Variants in PCCA observed in about 807,000 individuals in gnomAD.
PCCA encodes propionyl-CoA carboxylase subunit alpha.
PCCA carries 74 observed loss-of-function variants against 101.3 expected under a neutral mutation model. That is an observed-to-expected ratio of 0.73 (90% confidence interval 0.61 to 0.89). PCCA has a LOEUF of 0.89. Among genes scored for constraint, PCCA ranks in the 40% least tolerant of loss-of-function variants. The pLI is 0.00. For synonymous variants in PCCA, 294 were observed against 313.6 expected (o/e 0.94, Z 0.66); for missense variants, 891 against 907.0 (o/e 0.98, Z 0.23).
intron 21 of PCCA, among the ~76,000 whole-genome samples, chr13:100,480,642 G>C (rs929161887): frequency 6.6e-6 from 1 of 152,086 alleles, no homozygotes; most frequent in Non-Finnish European, 1.5e-5. Context: ...AGTGAAACTA[G>C]ATTAAACCAA....
chr13:100,517,692 G>T (rs1158593080), intron 22 of PCCA, among the ~76,000 whole-genome samples: 2 of 152,112 alleles, frequency 1.3e-5, no homozygotes, highest in Non-Finnish European at 2.9e-5. Flanking sequence ...GCGTATACTT[G>T]CTTTTATTTG....
At chr13:100,455,437 C>T (rs146324326) in intron 21 of PCCA, among the ~76,000 whole-genome samples, 56 of 152,196 alleles carry the variant, frequency 3.7e-4, no homozygotes, top group African/African-American at 6.7e-4. Context: ...TTGTTTTACG[C>T]GTTTTTAAAC....
In PCCA at chr13:100,293,725, A is replaced by T. The variant is rs560257042; in HGVS notation, c.1066-7735A>T. Among the ~76,000 whole-genome samples the T allele has an allele frequency of 3.9e-5, 6 of 152,204 alleles. No individual in the cohort carries two copies. The East Asian group carries it at 1.2e-3, about 29-fold the overall frequency. Reference sequence around the variant, plus strand: ...CTGTTTAGAGTGAGCCAGAATTGGGATGTTTTGGCATGTTTTGTTCTGGGA... The same window carrying T: ...CTGTTTAGAGTGAGCCAGAATTGGGTTGTTTTGGCATGTTTTGTTCTGGGA... On this transcript the variant is annotated intron_variant, in intron 12 of 23. Transcript: ENST00000376285.
At chr13:100,517,010 T>G (rs1488728465) in intron 22 of PCCA, among the ~76,000 whole-genome samples, 1 of 145,012 alleles carries the variant, frequency 6.9e-6, no homozygotes, top group Admixed American at 6.9e-5. Context: ...CAGCCTGAGC[T>G]TTCCACTCCT....
intron 19 of PCCA, among the ~76,000 whole-genome samples, chr13:100,421,542 T>C (rs770117754): frequency 6.6e-6 from 1 of 152,172 alleles, no homozygotes; most frequent in Non-Finnish European, 1.5e-5. Context: ...TTTAAGGAAA[T>C]CTTTGCTGGG....
intron 16 of PCCA, among the ~76,000 whole-genome samples, chr13:100,320,720 G>T (rs558280210): frequency 6.6e-6 from 1 of 152,050 alleles, no homozygotes; most frequent in African/African-American, 2.4e-5. Context: ...TGCTGGATTT[G>T]GTTTGCCAGT....
intron 21 of PCCA, chr13:100,491,436 G>A (rs1449331563): frequency 7.8e-6 from 2 of 257,572 alleles, no homozygotes; most frequent in Non-Finnish European, 1.6e-5. Flanking sequence ...AGAACAGCAA[G>A]AAGCAGACCC....
intron 4 of PCCA, among the ~76,000 whole-genome samples, chr13:100,124,685 A>G (rs907971622): frequency 2.1e-4 from 32 of 152,210 alleles, no homozygotes; most frequent in African/African-American, 7.7e-4. Flanking sequence ...GGTAATGATC[A>G]GGTAAATGGA....
chr13:100,422,062 CTCT>C (rs1212525092), intron 19 of PCCA, among the ~76,000 whole-genome samples: 1 of 56,146 alleles, frequency 1.8e-5, no homozygotes, highest in Non-Finnish European at 3.8e-5. Flanking sequence ...CTTTTCTCTT[CTCT>C]TTTCTTTTCT....
chr13:100,241,388 G>A (rs1478304207), intron 8 of PCCA, among the ~76,000 whole-genome samples: 1 of 152,140 alleles, frequency 6.6e-6, no homozygotes, highest in African/African-American at 2.4e-5. Flanking sequence ...ACAGAATAGT[G>A]TTTTTAAGGT....
At chr13:100,292,552 G>C (rs2065210303) in intron 12 of PCCA, among the ~76,000 whole-genome samples, 1 of 152,180 alleles carries the variant, frequency 6.6e-6, no homozygotes, top group South Asian at 2.1e-4. Flanking sequence ...TTTGCATGCT[G>C]TTTATTATAT....
intron 6 of PCCA, among the ~76,000 whole-genome samples, chr13:100,166,895 C>T (rs2055100508): frequency 1.3e-5 from 2 of 152,200 alleles, no homozygotes; most frequent in African/African-American, 2.4e-5. Flanking sequence ...AGTTGCTCCA[C>T]ATTCTTACCA....
At chr13:100,230,774 A>T (rs1389833987) in intron 7 of PCCA, among the ~76,000 whole-genome samples, 1 of 152,164 alleles carries the variant, frequency 6.6e-6, no homozygotes, top group Non-Finnish European at 1.5e-5. Flanking sequence ...GATTTGAAAT[A>T]CCTAACTTGA....
intron 8 of PCCA, among the ~76,000 whole-genome samples, chr13:100,248,981 T>G (rs1190027870): frequency 2.0e-5 from 3 of 152,114 alleles, no homozygotes; most frequent in Admixed American, 2.0e-4. Flanking sequence ...CTCGAACCCC[T>G]GACCTCAGGT....
intron 18 of PCCA, among the ~76,000 whole-genome samples, chr13:100,346,068 G>A (rs1455147303): frequency 6.6e-6 from 1 of 152,132 alleles, no homozygotes; most frequent in Non-Finnish European, 1.5e-5. Flanking sequence ...AGCACAAGGA[G>A]ATTAATGTTG....
chr13:100,155,867 G>A (rs973702009), intron 5 of PCCA, among the ~76,000 whole-genome samples: 5 of 152,146 alleles, frequency 3.3e-5, no homozygotes, highest in African/African-American at 1.2e-4. Context: ...AGCCTAATTC[G>A]TGAACCCATA....
chr13:100,255,930 C>T (rs920569671), intron 8 of PCCA, among the ~76,000 whole-genome samples: 8 of 152,178 alleles, frequency 5.3e-5, no homozygotes, highest in Admixed American at 3.3e-4. Context: ...TTAAACTTGT[C>T]CTATAATCTC....
In PCCA at chr13:100,209,248, T is replaced by C. The variant is rs2059058565; in HGVS notation, c.469-84T>C. On this transcript the variant is annotated intron_variant, in intron 6 of 23. Coordinates refer to ENST00000376285, the MANE Select transcript of PCCA (RefSeq NM_000282.4). The stretch of plus-strand genomic sequence containing the variant: ...TAAAAATAATTAGAAAATACACATA[T>C]GGGCTTTTCTTTTATAAAATTGTGA... 5 of 1,152,528 alleles carry C rather than the reference T, an allele frequency of 4.3e-6. No homozygotes were observed. In the South Asian group the frequency reaches 5.1e-5, roughly 12 times the overall value. The allele number at this position is 1,152,528 out of a possible 1,614,324, so 71.4% of individuals were successfully genotyped here.
intron 21 of PCCA, chr13:100,491,623 G>A (rs767263783): frequency 8.5e-6 from 11 of 1,298,952 alleles, no homozygotes; most frequent in Non-Finnish European, 1.1e-5. Context: ...TGGCCAAAGC[G>A]GTGCACTCTT....
Sources: gnomAD v4.1 joint callset for allele counts (sites outside exome capture counted in the v4.1 genomes callset) on GRCh38, gnomAD v4.1.1 for gene constraint, MANE v1.5 for transcripts, NCBI Gene and HGNC (gene_info 2026-07-23, HGNC 2026-07-21) for gene names.